ANXA10: variants seen among roughly 807,000 people sequenced by gnomAD.
ANXA10 encodes the protein annexin A10.
In ANXA10, 49 loss-of-function variants were observed where a neutral mutation model predicts 53.5. That is an observed-to-expected ratio of 0.92 (90% CI 0.73 to 1.16). The LOEUF (loss-of-function observed/expected upper bound fraction) is 1.16, where lower values mean the gene tolerates loss of function less well. Among genes scored for constraint, ANXA10 ranks in the 50% most tolerant of loss-of-function variants. The pLI is 0.00. For missense variants in ANXA10, 393 were observed against 394.4 expected (o/e 1.00, Z 0.03); for synonymous variants, 131 against 128.9 (o/e 1.02, Z -0.11).
At chr4:168,104,582 A>G (rs918916439) in intron 1 of ANXA10, among the ~76,000 whole-genome samples, 1 of 151,952 alleles carries the variant, frequency 6.6e-6, no homozygotes, top group Non-Finnish European at 1.5e-5. Context: ...ATATGAGGCA[A>G]TTTAAGTTAA....
chr4:168,155,125 T>C (rs1254016115), intron 3 of ANXA10, among the ~76,000 whole-genome samples: 1 of 149,618 alleles, frequency 6.7e-6, no homozygotes, highest in Non-Finnish European at 1.5e-5. Context: ...AAACATTATT[T>C]ATTGTTGGTA....
intron 1 of ANXA10, among the ~76,000 whole-genome samples, chr4:168,105,157 T>C (rs1365933161): frequency 1.3e-5 from 2 of 151,836 alleles, no homozygotes; most frequent in Non-Finnish European, 2.9e-5. Context: ...TGTGCAGGTT[T>C]GTTATACAGG....
intron 3 of ANXA10, among the ~76,000 whole-genome samples, chr4:168,157,339 C>T (rs1731704535): frequency 6.6e-6 from 1 of 152,006 alleles, no homozygotes; most frequent in Admixed American, 6.6e-5. Flanking sequence ...ATGATCTCGG[C>T]TCACTGCAAC....
chr4:168,161,712 A>T (rs1398433820), intron 3 of ANXA10, among the ~76,000 whole-genome samples: 1 of 152,056 alleles, frequency 6.6e-6, no homozygotes, highest in African/African-American at 2.4e-5. Flanking sequence ...ATGTTCTTCC[A>T]TGTGTTTGTG....
intron 6 of ANXA10, among the ~76,000 whole-genome samples, chr4:168,174,170 A>C (rs1224092476): frequency 6.6e-6 from 1 of 152,136 alleles, no homozygotes; most frequent in East Asian, 1.9e-4. Flanking sequence ...AGTGAGTGTG[A>C]ATAGAGCTGT....
intron 1 of ANXA10, among the ~76,000 whole-genome samples, chr4:168,114,386 G>A (rs1022200818): frequency 1.3e-5 from 2 of 151,992 alleles, no homozygotes; most frequent in South Asian, 2.1e-4. Flanking sequence ...CAATTCTCCC[G>A]ACTCAGCCTC....
chr4:168,121,814 T>G (rs1730990089), intron 1 of ANXA10, among the ~76,000 whole-genome samples: 1 of 151,944 alleles, frequency 6.6e-6, no homozygotes, highest in Non-Finnish European at 1.5e-5. Context: ...TTTTTGTTTG[T>G]TTGGTTTTGT....
At chr4:168,122,004 G>A (rs1040723648) in intron 1 of ANXA10, among the ~76,000 whole-genome samples, 4 of 119,276 alleles carry the variant, frequency 3.4e-5, no homozygotes, top group Admixed American at 9.0e-5. Flanking sequence ...CACCACGCCC[G>A]GCTACTTTTG....
rs542429985 is a variant in ANXA10 at position 168,095,228 on chromosome 4, G to A, written c.18+2510G>A. ...TACAATTTTCTTGTAAAAATTGTTCGCTGATTTTGTCCTGTTTTGTCATCA... is the reference window on the plus strand; with the variant it reads ...TACAATTTTCTTGTAAAAATTGTTCACTGATTTTGTCCTGTTTTGTCATCA... On this transcript the variant is annotated intron_variant, in intron 1 of 11. Coordinates refer to ENST00000359299, the MANE Select transcript of ANXA10 (RefSeq NM_007193.5). Among the ~76,000 whole-genome samples the A allele has an allele frequency of 4.0e-5, 6 of 151,730 alleles. 1 individual carries two copies. The South Asian group carries it at 1.3e-3, about 32-fold the overall frequency.
At chr4:168,165,403 AAAAT>A (rs1253124339) in intron 6 of ANXA10, 77 bp downstream of exon 6, 13 of 757,120 alleles carry the variant, frequency 1.7e-5, no homozygotes, top group Middle Eastern at 7.5e-4. Flanking sequence ...AAAAAAAAAA[AAAAT>A]AGAACAGAAA....
chr4:168,184,493 C>T, intron 10 of ANXA10, 66 bp from the exon 11 acceptor site: 3 of 1,576,740 alleles, frequency 1.9e-6, no homozygotes, highest in South Asian at 2.3e-5. Context: ...GGGGTGTGTC[C>T]ACTTGGGACA....
chr4:168,165,655 T>A (rs1295502650), intron 6 of ANXA10, among the ~76,000 whole-genome samples: 1 of 152,138 alleles, frequency 6.6e-6, no homozygotes, highest in Non-Finnish European at 1.5e-5. Flanking sequence ...AAATTAATAA[T>A]TCTAATTAGA....
chr4:168,144,241 C>T (rs1731372035), intron 3 of ANXA10, among the ~76,000 whole-genome samples: 1 of 152,076 alleles, frequency 6.6e-6, no homozygotes, highest in East Asian at 1.9e-4. Context: ...GGCTGGAGTG[C>T]ACTGCCGCGC....
chr4:168,183,023 AAAAAAAG>A (rs1302228019), intron 10 of ANXA10, among the ~76,000 whole-genome samples: 64 of 125,754 alleles, frequency 5.1e-4, no homozygotes, highest in Admixed American at 2.4e-3. Flanking sequence ...AAAAAAAAAA[AAAAAAAG>A]AAAAAAGAAA....
chr4:168,138,794 A>G (rs914433222), intron 2 of ANXA10, among the ~76,000 whole-genome samples: 1 of 152,214 alleles, frequency 6.6e-6, no homozygotes. Context: ...TTACCCTTAC[A>G]GAGATCTTTC....
intron 5 of ANXA10, 28 bp from the exon 6 acceptor site, chr4:168,165,219 C>T: frequency 7.0e-7 from 1 of 1,420,496 alleles, no homozygotes; most frequent in Non-Finnish European, 9.8e-7. Flanking sequence ...TATAATAAAT[C>T]ATACCTTTAA....
Position 168,165,286 on chromosome 4 carries a change from C to T in ANXA10, c.440C>T (p.Thr147Ile). The stretch of plus-strand genomic sequence containing the variant: ...CTCCAAGAGGACATTTATTCAGAGA[C>T]CTCAGGACACTTCAGAGATACTCTC... Reference protein sequence around the residue: ...NNLQEDIYSETSGHFRDTLMN... With the variant: ...NNLQEDIYSEISGHFRDTLMN... The change falls in exon 6 of 12, where the codon ACC (threonine) becomes ATC (isoleucine). Residue 147 changes from threonine (T) to isoleucine (I), a missense_variant. By Grantham distance (89) the Thr-to-Ile change is moderately conservative. Coordinates refer to ENST00000359299, the MANE Select transcript of ANXA10 (RefSeq NM_007193.5). 1 of 1,596,090 alleles carries T rather than the reference C, an allele frequency of 6.3e-7. No individual in the cohort carries two copies. Among genetic ancestry groups the T allele is most frequent in the Non-Finnish European group, 8.6e-7 (1 of 1,168,718 alleles).
chr4:168,157,066 C>T (rs1033542376), intron 3 of ANXA10, among the ~76,000 whole-genome samples: 1 of 150,756 alleles, frequency 6.6e-6, no homozygotes, highest in East Asian at 1.9e-4. Flanking sequence ...TGATAAATAA[C>T]TTGAAACCAG....
At chr4:168,136,332 CAA>C (rs1731236899) in intron 2 of ANXA10, among the ~76,000 whole-genome samples, 1 of 152,160 alleles carries the variant, frequency 6.6e-6, no homozygotes, top group South Asian at 2.1e-4. Context: ...AGCATTAACT[CAA>C]GAGTCCACAG....
Sources: allele counts gnomAD v4.1 joint callset (sites outside exome capture counted in the v4.1 genomes callset), GRCh38; gene constraint gnomAD v4.1.1; transcripts MANE v1.5; gene names NCBI Gene and HGNC (gene_info 2026-07-23, HGNC 2026-07-21).